PELO: variants seen among roughly 807,000 people sequenced by gnomAD.
The protein encoded by PELO is protein pelota homolog.
PELO carries 19 observed loss-of-function variants against 25.9 expected under a neutral mutation model. That is an observed-to-expected ratio of 0.73 (90% CI 0.51 to 1.08). The LOEUF (loss-of-function observed/expected upper bound fraction) is 1.08. PELO is among the 50% of genes least tolerant of loss of function. PELO has a pLI of 0.00. For synonymous variants in PELO, 196 were observed against 192.2 expected, an observed-to-expected ratio of 1.02 and a Z score of -0.16; for missense variants, 498 against 491.4, an observed-to-expected ratio of 1.01 and a Z score of -0.13.
At position 52,800,752 on chromosome 5, in the gene PELO, G is replaced by A. The variant is rs548469886; in HGVS notation, c.358G>A (p.Val120Met). ...FTLAKKQWDSVVLERIEQACD... is the reference protein window; with the variant it reads ...FTLAKKQWDSMVLERIEQACD... ...CCTGGCCAAGAAGCAGTGGGATAGT[G>A]TGGTACTGGAGCGCATCGAGCAGGC... is the stretch of plus-strand genomic sequence containing the variant. The change falls in exon 2 of 3, where the codon GTG becomes ATG. Residue 120 changes from valine (V) to methionine (M), a missense_variant. By Grantham distance (21) the Val-to-Met change is conservative. Coordinates refer to ENST00000274311, the MANE Select transcript of PELO (RefSeq NM_015946.5). 2 of 1,614,264 alleles carry A rather than the reference G, an allele frequency of 1.2e-6. No individual in the cohort carries two copies. Among genetic ancestry groups the A allele is most frequent in the African/African-American group, 1.3e-5 (1 of 75,080 alleles).
chr5:52,800,518 T>C lies in PELO; in HGVS notation c.124T>C (p.Ser42Pro). The change falls in exon 2 of 3, where the codon TCC becomes CCC. Residue 42 changes from serine (S) to proline (P), a missense_variant. Transcript: ENST00000274311. ...GCAGGTGGGCGACAGCCTGCGCGCC[T>C]CCACCATCCGCAAGGTACAGACAGA... ...LVQVGDSLRASTIRKVQTESS... is the reference protein window; with the variant it reads ...LVQVGDSLRAPTIRKVQTESS... 6.2e-7 allele frequency: 1 copy of C among 1,614,054 alleles called. No individual in the cohort carries two copies. Among genetic ancestry groups the C allele is most frequent in the Non-Finnish European group, 8.5e-7 (1 of 1,180,008 alleles).
chr5:52,803,246 A>C lies in PELO; in HGVS notation c.*1406A>C, dbSNP rs113037250. On this transcript the variant is annotated 3_prime_UTR_variant, in exon 3 of 3. Coordinates refer to ENST00000274311, the MANE Select transcript of PELO (RefSeq NM_015946.5). The stretch of plus-strand genomic sequence containing the variant: ...GGGAACTGACACTTCCCTATACTTT[A>C]AAACTCACATATGTATATTTTTGTA... 1 of 152,178 alleles carries C rather than the reference A, an allele frequency of 6.6e-6. No homozygotes were observed. The allele number at this position is 152,178 out of a possible 1,614,324, so 9.4% of individuals were successfully genotyped here.
Position 52,800,320 on chromosome 5 carries a change from C to G in PELO, c.-75C>G. The G allele has an allele frequency of 6.4e-7, 1 of 1,553,712 alleles. No homozygotes were observed. ...CCCGCCCCCTTCCTGGCCTGCATTC[C>G]CATCCCCTCTCCCGGGGCGGAGGTG... On this transcript the variant is annotated 5_prime_UTR_variant, in exon 2 of 3. Coordinates refer to ENST00000274311, the MANE Select transcript of PELO (RefSeq NM_015946.5).
intron 1 of PELO, among the ~76,000 whole-genome samples, chr5:52,795,778 A>G (rs1748329909): frequency 6.6e-6 from 1 of 151,966 alleles, no homozygotes; most frequent in Admixed American, 6.6e-5. Flanking sequence ...GTATCATAAT[A>G]TCACTAGGAC....
chr5:52,796,265 G>C (rs922524159), intron 1 of PELO, among the ~76,000 whole-genome samples: 18 of 151,760 alleles, frequency 1.2e-4, no homozygotes, highest in Non-Finnish European at 2.7e-4. Flanking sequence ...TGAGACACTG[G>C]AAGTGTCTCA....
chr5:52,798,166 TA>T (rs1415686702), intron 1 of PELO, among the ~76,000 whole-genome samples: 6 of 152,234 alleles, frequency 3.9e-5, no homozygotes, highest in African/African-American at 1.4e-4. Context: ...TGAGTGTGAT[TA>T]GTTCTTTGCT....
In PELO at chr5:52,801,760, A is replaced by G; in HGVS notation, c.1078A>G (p.Thr360Ala). Residue 360 changes from threonine (T) to alanine (A), a missense_variant, in exon 3 of 3, where the codon ACT becomes GCT. Coordinates refer to ENST00000274311, the MANE Select transcript of PELO (RefSeq NM_015946.5). ...HVSGEQLSQL[T>A]GVAAILRFPV... ...TTCTGGGGAACAGCTCAGCCAGTTG[A>G]CTGGGGTAGCTGCCATTCTCCGCTT... 6.2e-7 allele frequency: 1 copy of G among 1,614,124 alleles called. No individual in the cohort carries two copies. Among genetic ancestry groups the G allele is most frequent in the South Asian group, 1.1e-5 (1 of 91,070 alleles).
rs747993201 is a variant in PELO, at chr5:52,788,363, C to A, written c.-562C>A. ...TGAGGCTGCTCCGGCCATGGCCCCT[C>A]GGCCCCGCGCCCGCCCAGGGGTCGC... On this transcript the variant is annotated 5_prime_UTR_variant, in exon 1 of 3. Transcript: ENST00000274311. The A allele has an allele frequency of 1.3e-5, 19 of 1,510,764 alleles. No individual in the cohort carries two copies. The East Asian group carries it at 3.5e-4, about 28-fold the overall frequency. 93.6% of individuals were successfully genotyped at this position (1,510,764 alleles called of 1,614,324 possible). A position where few individuals can be genotyped will look rare whatever the true frequency, so the allele number is the denominator to read the frequency against.
intron 1 of PELO, among the ~76,000 whole-genome samples, chr5:52,794,457 G>A (rs76082406): frequency 6.7e-6 from 1 of 150,092 alleles, no homozygotes; most frequent in African/African-American, 2.4e-5. Flanking sequence ...AATATTTTTG[G>A]TGAAATGATC....
chr5:52,801,896 T>C lies in PELO; in HGVS notation c.*56T>C. On this transcript the variant is annotated 3_prime_UTR_variant, in exon 3 of 3. Transcript: ENST00000274311. ...TGTTTCCTAAACTGTTACAGTACATTTCTCAGCATCCTTGTGACAGAAAGC... is the reference window on the plus strand; with the variant it reads ...TGTTTCCTAAACTGTTACAGTACATCTCTCAGCATCCTTGTGACAGAAAGC... 2.3e-6 allele frequency: 3 copies of C among 1,317,438 alleles called. No homozygotes were observed. The South Asian group carries it at 4.4e-5, about 19-fold the overall frequency. 81.6% of individuals were successfully genotyped at this position (1,317,438 alleles called of 1,614,324 possible). A position where few individuals can be genotyped will look rare whatever the true frequency, so the allele number is the denominator to read the frequency against.
chr5:52,801,153 T>A, intron 2 of PELO, 33 bp downstream of exon 2: 1 of 1,560,214 alleles, frequency 6.4e-7, no homozygotes, highest in Non-Finnish European at 8.7e-7. Flanking sequence ...TAATTAAGAA[T>A]GGGCAGAGGG....
Position 52,800,876 on chromosome 5 carries a change from C to T in PELO, c.482C>T (p.Ala161Val), listed in dbSNP as rs1326917932. 4 of 1,612,004 alleles carry T rather than the reference C, an allele frequency of 2.5e-6. No individual in the cohort carries two copies. The highest frequency in any genetic ancestry group is 3.4e-6 in the Non-Finnish European group (4 of 1,178,748). Residue 161 changes from alanine to valine, a missense_variant, in exon 2 of 3, where the codon GCC becomes GTC. Ala to Val is a moderately conservative substitution (Grantham distance 64, BLOSUM62 0). Transcript: ENST00000274311. Reference sequence around the variant, plus strand: ...ACTCCCAGCATGACCCTCACTCGGGCCAAGGTGGAGGTGAACATCCCTAGG... The same window carrying T: ...ACTCCCAGCATGACCCTCACTCGGGTCAAGGTGGAGGTGAACATCCCTAGG... The part of the protein sequence containing the change: ...LVTPSMTLTR[A>V]KVEVNIPRKR...
At position 52,800,417 on chromosome 5, in the gene PELO, T is replaced by A; in HGVS notation, c.23T>A (p.Ile8Asn). Residue 8 changes from isoleucine (I) to asparagine (N), a missense_variant, in exon 2 of 3, where the codon ATC becomes AAC. By Grantham distance (149) the Ile-to-Asn change is moderately radical. Coordinates refer to ENST00000274311, the MANE Select transcript of PELO (RefSeq NM_015946.5). ...GCCATGAAGCTCGTGAGGAAGAACA[T>A]CGAGAAGGACAATGCGGGCCAGGTG... MKLVRKN[I>N]EKDNAGQVTL... 1 of 1,613,934 alleles carries A rather than the reference T, an allele frequency of 6.2e-7. No individual in the cohort carries two copies. Among genetic ancestry groups the A allele is most frequent in the Admixed American group, 1.7e-5 (1 of 60,028 alleles).
Position 52,801,470 on chromosome 5 carries a change from C to T in PELO, c.788C>T (p.Ala263Val), listed in dbSNP as rs1471849552. The change falls in exon 3 of 3, where the codon GCT becomes GTT. Residue 263 changes from alanine to valine, a missense_variant. Ala to Val is a moderately conservative substitution (Grantham distance 64). Transcript: ENST00000274311. ...LKEALCDPTV[A>V]SRLSDTKAAG... ...GAGGCCCTTTGTGACCCTACTGTGG[C>T]TAGCCGCCTTTCAGACACTAAAGCT... 6.2e-7 allele frequency: 1 copy of T among 1,613,996 alleles called. No homozygotes were observed. Among genetic ancestry groups the T allele is most frequent in the Admixed American group, 1.7e-5 (1 of 60,012 alleles).
Position 52,800,614 on chromosome 5 carries a change from T to C in PELO, c.220T>C (p.Phe74Leu). 6.2e-7 allele frequency: 1 copy of C among 1,613,914 alleles called. No individual in the cohort carries two copies. Among genetic ancestry groups the C allele is most frequent in the Non-Finnish European group, 8.5e-7 (1 of 1,179,904 alleles). Residue 74 changes from phenylalanine to leucine, a missense_variant, in exon 2 of 3, where the codon TTC becomes CTC. Coordinates refer to ENST00000274311, the MANE Select transcript of PELO (RefSeq NM_015946.5). ...CACTCTCTGCGTGGAGGCCATCGAC[T>C]TCGACTCTCAAGCCTGCCAGCTGCG... ...TLTLCVEAID[F>L]DSQACQLRVK...
chr5:52,796,824 G>T (rs1379032213), intron 1 of PELO, among the ~76,000 whole-genome samples: 1 of 152,090 alleles, frequency 6.6e-6, no homozygotes, highest in African/African-American at 2.4e-5. Flanking sequence ...TTTCAAGTTT[G>T]AGATAACATT....
rs1340588289 is a variant in PELO at position 52,788,013 on chromosome 5, G to A, written c.-912G>A. On this transcript the variant is annotated 5_prime_UTR_variant, in exon 1 of 3. In the 5' UTR this introduces an upstream ATG that the reference lacks. Transcript: ENST00000274311. ...CCTTTAAGGTTTGCTTCTACAGCCC[G>A]TGGACTTTAGCCTAAACACGGACCC... 1.4e-5 allele frequency: 4 copies of A among 279,914 alleles called. No individual in the cohort carries two copies. Among genetic ancestry groups the A allele is most frequent in the Non-Finnish European group, 2.7e-5 (4 of 150,054 alleles). The allele number at this position is 279,914 out of a possible 1,614,324, so 17.3% of individuals were successfully genotyped here. A position where few individuals can be genotyped will look rare whatever the true frequency, so the allele number is the denominator to read the frequency against.
Position 52,801,679 on chromosome 5 carries a change from G to C in PELO, c.997G>C (p.Val333Leu), listed in dbSNP as rs377544857. The C allele has an allele frequency of 5.0e-6, 8 of 1,614,078 alleles. No homozygotes were observed. In the African/African-American group the frequency reaches 1.1e-4, roughly 22 times the overall value. ...VATRSRYVRL[V>L]DSVKENAGTV... Reference sequence around the variant, plus strand: ...CACACGGAGCCGGTATGTGAGGCTGGTGGACAGTGTGAAAGAGAATGCAGG... The same window carrying C: ...CACACGGAGCCGGTATGTGAGGCTGCTGGACAGTGTGAAAGAGAATGCAGG... The change falls in exon 3 of 3, where the codon GTG (valine) becomes CTG (leucine). Residue 333 changes from valine to leucine, a missense_variant. By Grantham distance (32) the Val-to-Leu change is conservative. Coordinates refer to ENST00000274311, the MANE Select transcript of PELO (RefSeq NM_015946.5).
rs751455942 is a variant in PELO, at chr5:52,801,724, A to T, written c.1042A>T (p.Ser348Cys). 7.4e-6 allele frequency: 12 copies of T among 1,614,062 alleles called. No homozygotes were observed. Among genetic ancestry groups the T allele is most frequent in the Non-Finnish European group, 1.0e-5 (12 of 1,179,894 alleles). Residue 348 changes from serine (S) to cysteine (C), a missense_variant, in exon 3 of 3, where the codon AGT (serine) becomes TGT (cysteine). Coordinates refer to ENST00000274311, the MANE Select transcript of PELO (RefSeq NM_015946.5). ...TGCAGGCACCGTTAGGATATTCTCT[A>T]GTCTTCACGTTTCTGGGGAACAGCT... Reference protein sequence around the residue: ...ENAGTVRIFSSLHVSGEQLSQ... With the variant: ...ENAGTVRIFSCLHVSGEQLSQ...
Sources: gnomAD v4.1 joint callset for allele counts (sites outside exome capture counted in the v4.1 genomes callset) on GRCh38, gnomAD v4.1.1 for gene constraint, MANE v1.5 for transcripts, NCBI Gene and HGNC (gene_info 2026-07-23, HGNC 2026-07-21) for gene names.